The following PCDHA2 variants were observed in gnomAD, a reference collection of about 807,000 sequenced individuals.
PCDHA2 encodes protocadherin alpha 2.
PCDHA2 carries 58 observed loss-of-function variants against 66.0 expected under a neutral mutation model. That is an observed-to-expected ratio of 0.88 (90% CI 0.71 to 1.09). The LOEUF is 1.09. Among genes scored for constraint, PCDHA2 ranks in the 50% least tolerant of loss-of-function variants. The pLI, the probability that PCDHA2 is intolerant of heterozygous loss-of-function variation, is 0.00. For synonymous variants in PCDHA2, 634 were observed against 554.0 expected, an observed-to-expected ratio of 1.14 and a Z score of -2.03; for missense variants, 1,267 against 1,242.3, an observed-to-expected ratio of 1.02 and a Z score of -0.30.
chr5:140,876,855 A>C (rs371246236), intron 1 of PCDHA2: 7 of 1,613,934 alleles, frequency 4.3e-6, no homozygotes, highest in East Asian at 2.2e-5. Flanking sequence ...CCGAGTACAC[A>C]GTGTTCGTGA....
chr5:140,870,329 A>G, intron 1 of PCDHA2: 1 of 1,614,160 alleles, frequency 6.2e-7, no homozygotes, highest in Non-Finnish European at 8.5e-7. Context: ...TTGGTGCTGG[A>G]CAGCGCCCTG....
chr5:140,820,621 C>T (rs1420826782), intron 1 of PCDHA2, among the ~76,000 whole-genome samples: 3 of 151,872 alleles, frequency 2.0e-5, no homozygotes, highest in African/African-American at 7.2e-5. Flanking sequence ...CAAATCATAC[C>T]ATCCAGTAAA....
intron 1 of PCDHA2, chr5:140,851,516 T>TA: frequency 2.2e-6 from 2 of 906,324 alleles, no homozygotes; most frequent in Non-Finnish European, 2.7e-6. Context: ...AAATATGTTT[T>TA]AAAATGCCTG....
In PCDHA2 at chr5:140,857,194, A is replaced by G. The variant is rs187713139; in HGVS notation, c.2388+59842A>G. On this transcript the variant is annotated intron_variant, in intron 1 of 3. Transcript: ENST00000526136. ...CTGACCATGATTCAGGAGCCAACGG[A>G]CAGGTCACCTGCTCTCTGACGCCTC... 4 of 1,598,542 alleles carry G rather than the reference A, an allele frequency of 2.5e-6. 1 individual carries two copies. The highest frequency in any genetic ancestry group is 1.3e-5 in the African/African-American group (1 of 74,440).
At chr5:140,830,749 G>A (rs1170210676) in intron 1 of PCDHA2, 11 of 188,306 alleles carry the variant, frequency 5.8e-5, no homozygotes, top group Non-Finnish European at 1.1e-4. Context: ...GTTTTCTGTT[G>A]CATTTTAATT....
In PCDHA2 at chr5:140,850,283, A is replaced by C. The variant is rs143335350; in HGVS notation, c.2388+52931A>C. The C allele has an allele frequency of 4.9e-5, 78 of 1,595,592 alleles. 6 individuals carry two copies. In the African/African-American group the frequency reaches 9.3e-4, roughly 19 times the overall value. On this transcript the variant is annotated intron_variant, in intron 1 of 3. Coordinates refer to ENST00000526136, the MANE Select transcript of PCDHA2 (RefSeq NM_018905.3). ...GCGTAGTGGTGGGGAAGGTGCGCGC[A>C]GTGGACGCCGACTCGGGCTACAACG...
intron 1 of PCDHA2, among the ~76,000 whole-genome samples, chr5:140,941,208 T>TTCCTTTCTTTCTTTCTTTCTTTCG (rs2092839762): frequency 9.1e-6 from 1 of 109,450 alleles, no homozygotes; most frequent in Non-Finnish European, 2.0e-5. Context: ...TCTTCCTTTC[T>TTCCTTTCTTTCTTTCTTTCTTTCG]TTCTTCCTTT....
In PCDHA2 at chr5:140,851,512, GT is replaced by G. The variant is rs1354131042; in HGVS notation, c.2388+54164del. On this transcript the variant is annotated intron_variant, in intron 1 of 3. Coordinates refer to ENST00000526136, the MANE Select transcript of PCDHA2 (RefSeq NM_018905.3). ...CTTCATTTCAACTTATATAAAATAT[GT>G]TTTAAAATGCCTGACAATGTAGATA... The G allele has an allele frequency of 1.0e-5, 9 of 903,444 alleles. 1 individual carries two copies. The highest frequency in any genetic ancestry group is 1.8e-5 in the African/African-American group (1 of 55,438). 56.0% of individuals were successfully genotyped at this position (903,444 alleles called of 1,614,324 possible). A position where few individuals can be genotyped will look rare whatever the true frequency, so the allele number is the denominator to read the frequency against.
intron 3 of PCDHA2, among the ~76,000 whole-genome samples, chr5:141,003,829 A>G (rs1220753607): frequency 1.3e-5 from 2 of 152,184 alleles, no homozygotes; most frequent in Admixed American, 6.5e-5. Flanking sequence ...GGCTCTGCCT[A>G]ACGATTCAGA....
At position 140,829,922 on chromosome 5, in the gene PCDHA2, C is replaced by T. The variant is rs2150177863; in HGVS notation, c.2388+32570C>T. The T allele has an allele frequency of 3.7e-6, 6 of 1,614,010 alleles. No homozygotes were observed. The Middle Eastern group carries it at 5.0e-4, about 133-fold the overall frequency. On this transcript the variant is annotated intron_variant, in intron 1 of 3. Transcript: ENST00000526136. ...CTACAACGCGTGGCTTTCGTATGAG[C>T]TGCAGCCCCCGGCAAGCAGCGCTCG... is the stretch of plus-strand genomic sequence containing the variant.
chr5:140,875,329 T>C, intron 1 of PCDHA2: 1 of 1,437,476 alleles, frequency 7.0e-7, no homozygotes, highest in Non-Finnish European at 9.1e-7. Flanking sequence ...ATTCACGGAA[T>C]AGGATCGACT....
At chr5:140,877,853 AT>A in intron 1 of PCDHA2, 2 of 1,535,524 alleles carry the variant, frequency 1.3e-6, no homozygotes, top group Non-Finnish European at 1.7e-6. Context: ...AGTTATTAAT[AT>A]TATTTAGATA....
At position 140,796,160 on chromosome 5, in the gene PCDHA2, C is replaced by T. The variant is rs782030377; in HGVS notation, c.1196C>T (p.Ser399Phe). Residue 399 changes from serine to phenylalanine, a missense_variant, in exon 1 of 4, where the codon TCC becomes TTC. By Grantham distance (155) the Ser-to-Phe change is radical. Transcript: ENST00000526136. ...CCCCACGTCCCTTTCAAGCTGGTGT[C>T]CACCTTCAAGAATTACTACTCGTTG... The part of the protein sequence containing the change: ...LTPHVPFKLV[S>F]TFKNYYSLVL... 16 of 1,614,094 alleles carry T rather than the reference C, an allele frequency of 9.9e-6. No homozygotes were observed. In the South Asian group the frequency reaches 1.8e-4, roughly 18 times the overall value.
At chr5:140,869,598 T>A in intron 1 of PCDHA2, 6 of 1,614,122 alleles carry the variant, frequency 3.7e-6, no homozygotes, top group Non-Finnish European at 5.1e-6. Context: ...TTGAAGAGAA[T>A]GCTCTATTGA....
rs541015740 is a variant in PCDHA2 at position 140,862,949 on chromosome 5, C to T, written c.2388+65597C>T. 3 of 542,876 alleles carry T rather than the reference C, an allele frequency of 5.5e-6. No individual in the cohort carries two copies. In the Admixed American group the frequency reaches 5.9e-5, roughly 11 times the overall value. The allele number at this position is 542,876 out of a possible 1,614,324, so 33.6% of individuals were successfully genotyped here. A position where few individuals can be genotyped will look rare whatever the true frequency, so the allele number is the denominator to read the frequency against. On this transcript the variant is annotated intron_variant, in intron 1 of 3. Transcript: ENST00000526136. The stretch of plus-strand genomic sequence containing the variant: ...TGGCGGCGCTGTGAGTGAGCTGGTG[C>T]GGTATTCAGTGGATGCAGGCCACTT...
At chr5:140,876,315 C>T in intron 1 of PCDHA2, 1 of 1,613,958 alleles carries the variant, frequency 6.2e-7, no homozygotes, top group South Asian at 1.1e-5. Flanking sequence ...CCTATGGGAT[C>T]AAAATGATTT....
At chr5:140,835,660 C>T (rs1773814607) in intron 1 of PCDHA2, 8 of 1,613,932 alleles carry the variant, frequency 5.0e-6, no homozygotes, top group Middle Eastern at 1.7e-4. Flanking sequence ...CTGGTGGTTA[C>T]CGCGCGGGAC....
Position 140,855,877 on chromosome 5 carries a change from C to T in PCDHA2, c.2388+58525C>T, listed in dbSNP as rs577890350. 6.7e-6 allele frequency: 6 copies of T among 897,114 alleles called. No individual in the cohort carries two copies. In the South Asian group the frequency reaches 1.2e-4, roughly 18 times the overall value. The allele number at this position is 897,114 out of a possible 1,614,324, so 55.6% of individuals were successfully genotyped here. A position where few individuals can be genotyped will look rare whatever the true frequency, so the allele number is the denominator to read the frequency against. On this transcript the variant is annotated intron_variant, in intron 1 of 3. Transcript: ENST00000526136. ...GATGTCGCTGTCGTCCACAAAATAGCTTTTTAGAACAAAGGCATCAGCCAG... is the reference window on the plus strand; with the variant it reads ...GATGTCGCTGTCGTCCACAAAATAGTTTTTTAGAACAAAGGCATCAGCCAG...
chr5:140,862,365 G>A (rs569361686), intron 1 of PCDHA2: 7 of 337,896 alleles, frequency 2.1e-5, no homozygotes, highest in African/African-American at 1.3e-4. Context: ...CAGACGACCC[G>A]CACCCTGACT....
Sources: allele counts gnomAD v4.1 joint callset (sites outside exome capture counted in the v4.1 genomes callset), GRCh38; gene constraint gnomAD v4.1.1; transcripts MANE v1.5; gene names NCBI Gene and HGNC (gene_info 2026-07-23, HGNC 2026-07-21).